MAGI2: variants seen among roughly 807,000 people sequenced by gnomAD.
MAGI2 encodes membrane-associated guanylate kinase, WW and PDZ domain-containing protein 2.
A neutral mutation model predicts 133.3 loss-of-function variants in MAGI2; 35 were observed. That is an observed-to-expected ratio of 0.26 (90% confidence interval 0.20 to 0.35). MAGI2 has a LOEUF of 0.35. Among genes scored for constraint, MAGI2 ranks in the 10% least tolerant of loss-of-function variants. The pLI is 1.00. For missense variants in MAGI2, 1,636 were observed against 1,863.4 expected (o/e 0.88, Z 2.25); for synonymous variants, 729 against 710.6 (o/e 1.03, Z -0.41).
chr7:78,050,567 T>C (rs984524092), intron 21 of MAGI2, among the ~76,000 whole-genome samples: 7 of 152,216 alleles, frequency 4.6e-5, no homozygotes, highest in Non-Finnish European at 1.0e-4. Context: ...GCTGTTCAGC[T>C]GAGAATATTG....
intron 6 of MAGI2, among the ~76,000 whole-genome samples, chr7:78,480,858 A>T (rs193201748): frequency 6.6e-6 from 1 of 152,040 alleles, no homozygotes; most frequent in Admixed American, 6.6e-5. Context: ...GTATACACTA[A>T]ACAAAACGTG....
chr7:78,288,957 A>G (rs1223676440), intron 9 of MAGI2, among the ~76,000 whole-genome samples: 2 of 152,350 alleles, frequency 1.3e-5, no homozygotes, highest in East Asian at 1.9e-4. Flanking sequence ...GTACGTCACC[A>G]TCATCAAAGA....
chr7:79,333,105 A>G (rs979788296), intron 1 of MAGI2, among the ~76,000 whole-genome samples: 3 of 152,114 alleles, frequency 2.0e-5, no homozygotes, highest in Admixed American at 6.6e-5. Flanking sequence ...TACTTTAGAT[A>G]CAGTGGTTTC....
At chr7:79,087,587 A>C (rs1215429646) in intron 1 of MAGI2, among the ~76,000 whole-genome samples, 2 of 151,740 alleles carry the variant, frequency 1.3e-5, no homozygotes, top group South Asian at 4.1e-4. Flanking sequence ...ATGTTACTCA[A>C]GTGATTAAAA....
chr7:78,388,975 A>G (rs1420623570), intron 6 of MAGI2, among the ~76,000 whole-genome samples: 1 of 152,212 alleles, frequency 6.6e-6, no homozygotes, highest in African/African-American at 2.4e-5. Context: ...TAAGTAATTA[A>G]AAAATCTATT....
chr7:78,409,480 C>T (rs7807814), intron 6 of MAGI2, among the ~76,000 whole-genome samples: 87,093 of 151,990 alleles, frequency 0.57, 26,713 homozygotes, highest in African/African-American at 0.8. Flanking sequence ...ACAAAAAAGA[C>T]CAGTCTACTC....
chr7:79,426,661 A>G (rs1456636057), intron 1 of MAGI2, among the ~76,000 whole-genome samples: 1 of 152,174 alleles, frequency 6.6e-6, no homozygotes, highest in Non-Finnish European at 1.5e-5. Flanking sequence ...CAAATATGTC[A>G]AATTAATCAG....
chr7:78,886,876 A>T (rs913932545), intron 2 of MAGI2, among the ~76,000 whole-genome samples: 2 of 152,078 alleles, frequency 1.3e-5, no homozygotes, highest in African/African-American at 4.8e-5. Context: ...AAGATGAGGG[A>T]GGGACCTTGT....
intron 2 of MAGI2, among the ~76,000 whole-genome samples, chr7:78,679,855 T>C (rs775481300): frequency 3.9e-5 from 6 of 152,084 alleles, no homozygotes; most frequent in Non-Finnish European, 1.5e-5. Context: ...GATGTGTCAG[T>C]TCTCTCTACA....
At chr7:78,803,947 T>C (rs564224300) in intron 2 of MAGI2, among the ~76,000 whole-genome samples, 16 of 152,250 alleles carry the variant, frequency 1.1e-4, no homozygotes, top group Non-Finnish European at 1.5e-4. Flanking sequence ...GCTTCAGTTA[T>C]GTCATGTCCT....
chr7:79,449,877 CATATAT>C (rs59881896), intron 1 of MAGI2, among the ~76,000 whole-genome samples: 4 of 120,620 alleles, frequency 3.3e-5, no homozygotes, highest in African/African-American at 9.0e-5. Context: ...GAGATATATA[CATATAT>C]ATATATATAT....
chr7:79,378,597 A>G (rs1343141477), intron 1 of MAGI2, among the ~76,000 whole-genome samples: 1 of 151,672 alleles, frequency 6.6e-6, no homozygotes, highest in Non-Finnish European at 1.5e-5. Flanking sequence ...AGGATATAAC[A>G]AATTAACATC....
intron 14 of MAGI2, among the ~76,000 whole-genome samples, chr7:78,171,351 T>C (rs923588408): frequency 6.6e-6 from 1 of 152,198 alleles, no homozygotes; most frequent in Non-Finnish European, 1.5e-5. Flanking sequence ...TTTAAGTCAG[T>C]AGTTCTCAAA....
At chr7:78,253,312 A>G (rs1792620968) in intron 10 of MAGI2, 1 of 152,236 alleles carries the variant, frequency 6.6e-6, no homozygotes, top group Non-Finnish European at 1.5e-5. Flanking sequence ...AATATTATAT[A>G]CTGTATGATT....
At chr7:79,107,183 G>T (rs1012912871) in intron 1 of MAGI2, among the ~76,000 whole-genome samples, 1 of 152,154 alleles carries the variant, frequency 6.6e-6, no homozygotes, top group African/African-American at 2.4e-5. Context: ...GCTTTCTCCA[G>T]GTAAGAGCAG....
intron 2 of MAGI2, among the ~76,000 whole-genome samples, chr7:78,939,161 T>C (rs1220319347): frequency 6.6e-6 from 1 of 151,838 alleles, no homozygotes; most frequent in Non-Finnish European, 1.5e-5. Context: ...GCCTGGCTAA[T>C]GTTTGTATTT....
chr7:79,428,130 A>G (rs996862675), intron 1 of MAGI2, among the ~76,000 whole-genome samples: 1 of 152,166 alleles, frequency 6.6e-6, no homozygotes, highest in South Asian at 2.1e-4. Flanking sequence ...TTTTAAAGGA[A>G]GAAGTAGGGC....
intron 2 of MAGI2, among the ~76,000 whole-genome samples, chr7:78,695,884 AG>A (rs1404058552): frequency 6.6e-6 from 1 of 152,154 alleles, no homozygotes; most frequent in Non-Finnish European, 1.5e-5. Flanking sequence ...CTCTTATCCT[AG>A]TTTTTAAAAG....
At chr7:79,240,284 A>G (rs1328899012) in intron 1 of MAGI2, among the ~76,000 whole-genome samples, 1 of 151,946 alleles carries the variant, frequency 6.6e-6, no homozygotes, top group Non-Finnish European at 1.5e-5. Flanking sequence ...GTGAAGGACC[A>G]GAAGACAACA....
Sources: gnomAD v4.1 joint callset for allele counts (sites outside exome capture counted in the v4.1 genomes callset) on GRCh38, gnomAD v4.1.1 for gene constraint, MANE v1.5 for transcripts, NCBI Gene and HGNC (gene_info 2026-07-23, HGNC 2026-07-21) for gene names.